The following USP34 variants were observed in gnomAD, a reference collection of about 807,000 sequenced individuals.
The protein encoded by USP34 is ubiquitin specific peptidase 34.
USP34 carries 70 observed loss-of-function variants against 460.3 expected under a neutral mutation model. The observed-to-expected ratio is 0.15, with a 90% CI of 0.13 to 0.19. The LOEUF (loss-of-function observed/expected upper bound fraction) is 0.19, where lower values mean the gene tolerates loss of function less well. Ranked by LOEUF, USP34 falls within the 10% of genes least tolerant of loss-of-function variation. The pLI is 1.00. For synonymous variants in USP34, 1,647 were observed against 1,405.3 expected (o/e 1.17, Z -3.85); for missense variants, 3,985 against 4,236.2 (o/e 0.94, Z 1.65).
intron 23 of USP34, 114 bp downstream of exon 23, chr2:61,317,540 C>T (rs1690788972): frequency 1.2e-6 from 1 of 858,054 alleles, no homozygotes. Context: ...ACAAACCCAA[C>T]TGCACTGCAC....
At chr2:61,312,730 G>A (rs1232795939) in intron 25 of USP34, among the ~76,000 whole-genome samples, 1 of 152,078 alleles carries the variant, frequency 6.6e-6, no homozygotes, top group Admixed American at 6.6e-5. Flanking sequence ...TTATCAGAAG[G>A]CAGAAGAATA....
intron 19 of USP34, among the ~76,000 whole-genome samples, chr2:61,332,920 A>G (rs1425476223): frequency 6.6e-6 from 1 of 152,068 alleles, no homozygotes; most frequent in Non-Finnish European, 1.5e-5. Flanking sequence ...CTAATCTGGA[A>G]TTATAGTGCA....
chr2:61,433,117 T>A (rs1261222538), intron 1 of USP34, among the ~76,000 whole-genome samples: 1 of 152,100 alleles, frequency 6.6e-6, no homozygotes, highest in Non-Finnish European at 1.5e-5. Flanking sequence ...CTGACAGGTG[T>A]GTCAGAGAGA....
Position 61,222,660 on chromosome 2 carries a change from C to A in USP34, c.7753G>T (p.Val2585Leu). Residue 2585 changes from valine to leucine, a missense_variant, in exon 65 of 80, where the codon GTA becomes TTA. Val to Leu is a conservative substitution (Grantham distance 32). This residue lies in a region of USP34 where 604 missense variants were observed against 684.8 expected (regional missense o/e 0.88). Coordinates refer to ENST00000398571, the MANE Select transcript of USP34 (RefSeq NM_014709.4). The stretch of plus-strand genomic sequence containing the variant: ...GCTATTGATGTGAAAAGCATAGATA[C>A]AATCTAAAACAGAAAGAGGAGGATT... ...RYNNRLAEHI[V>L]SMLFTSIAKL... 6.2e-7 allele frequency: 1 copy of A among 1,611,322 alleles called. No homozygotes were observed. Among genetic ancestry groups the A allele is most frequent in the Non-Finnish European group, 8.5e-7 (1 of 1,178,798 alleles).
At chr2:61,263,033 G>A (rs1356875581) in intron 43 of USP34, among the ~76,000 whole-genome samples, 2 of 151,484 alleles carry the variant, frequency 1.3e-5, no homozygotes, top group East Asian at 3.9e-4. Flanking sequence ...TTTTAAGATA[G>A]AGTCTTGCTC....
intron 1 of USP34, among the ~76,000 whole-genome samples, chr2:61,464,177 G>C (rs572931040): frequency 6.6e-6 from 1 of 152,130 alleles, no homozygotes; most frequent in Non-Finnish European, 1.5e-5. Context: ...ACATTAGCTG[G>C]GCGTGGTGGC....
At chr2:61,242,486 C>CAT (rs1688296106) in intron 51 of USP34, among the ~76,000 whole-genome samples, 1 of 151,462 alleles carries the variant, frequency 6.6e-6, no homozygotes, top group Non-Finnish European at 1.5e-5. Context: ...CACACACACA[C>CAT]ACACACACAC....
chr2:61,314,667 C>G lies in USP34; in HGVS notation c.3460G>C (p.Glu1154Gln), dbSNP rs778935383. Residue 1154 changes from glutamate to glutamine, a missense_variant, in exon 25 of 80, where the codon GAA becomes CAA. Physicochemically the swap from Glu to Gln is conservative, Grantham distance 29. Around this residue, in one of 14 missense-constraint regions of USP34, gnomAD observed 1,114 missense variants for 1,122.5 expected, o/e 0.99. Transcript: ENST00000398571. ...ATGAGACTTGAGTGTGATTCCTGTT[C>G]AAGACTGCTAGAAGCTATCATAAGA... ...ESLMIASSSL[E>Q]QESHSSLMVI... The G allele has an allele frequency of 2.5e-6, 4 of 1,603,588 alleles. No individual in the cohort carries two copies. The highest frequency in any genetic ancestry group is 3.4e-6 in the Non-Finnish European group (4 of 1,176,666).
At chr2:61,237,302 G>C (rs1219114247) in intron 53 of USP34, among the ~76,000 whole-genome samples, 1 of 151,992 alleles carries the variant, frequency 6.6e-6, no homozygotes, top group African/African-American at 2.4e-5. Flanking sequence ...AATAATAAGG[G>C]AGCCCCATTC....
intron 18 of USP34, among the ~76,000 whole-genome samples, chr2:61,334,604 A>C (rs1265961406): frequency 6.6e-6 from 1 of 152,184 alleles, no homozygotes; most frequent in Non-Finnish European, 1.5e-5. Flanking sequence ...AATTTTTCAC[A>C]AATTTAGGAA....
At chr2:61,398,992 C>G (rs1236757218) in intron 3 of USP34, among the ~76,000 whole-genome samples, 1 of 152,152 alleles carries the variant, frequency 6.6e-6, no homozygotes, top group Admixed American at 6.6e-5. Flanking sequence ...AATACAGAAT[C>G]ATGGACCAGG....
chr2:61,265,058 C>G (rs1689007204), intron 43 of USP34, among the ~76,000 whole-genome samples: 1 of 152,118 alleles, frequency 6.6e-6, no homozygotes, highest in Admixed American at 6.5e-5. Context: ...CTTATTTTCT[C>G]TGTAATAAAA....
chr2:61,325,325 C>G, intron 21 of USP34, 50 bp downstream of exon 21: 1 of 1,218,886 alleles, frequency 8.2e-7, no homozygotes, highest in Middle Eastern at 2.1e-4. Context: ...AAATTTAGTT[C>G]TTCCAATAGT....
Position 61,311,769 on chromosome 2 carries a change from A to T in USP34, c.3669+15T>A, listed in dbSNP as rs758695076. 4 of 1,611,316 alleles carry T rather than the reference A, an allele frequency of 2.5e-6. No homozygotes were observed. Among genetic ancestry groups the T allele is most frequent in the Non-Finnish European group, 3.4e-6 (4 of 1,179,258 alleles). ...GGAAATGTTATCAACTTCGAAATTA[A>T]AACTATGTAAGTACCTTGTCAGGAA... On this transcript the variant is annotated intron_variant, in intron 26 of 79. Transcript: ENST00000398571.
At chr2:61,451,814 C>G (rs953739044) in intron 1 of USP34, among the ~76,000 whole-genome samples, 3 of 152,086 alleles carry the variant, frequency 2.0e-5, no homozygotes, top group African/African-American at 7.2e-5. Context: ...CTACTTCATA[C>G]TTGATACCAA....
At chr2:61,262,088 CAAAAAAA>C (rs61651654) in intron 43 of USP34, among the ~76,000 whole-genome samples, 42 of 46,786 alleles carry the variant, frequency 9.0e-4, no homozygotes, top group South Asian at 3.2e-3. Context: ...AAGACTTCGT[CAAAAAAA>C]AAAAAAAAAA....
At chr2:61,312,394 G>A (rs1690620700) in intron 25 of USP34, among the ~76,000 whole-genome samples, 1 of 151,518 alleles carries the variant, frequency 6.6e-6, no homozygotes, top group Non-Finnish European at 1.5e-5. Flanking sequence ...AAATTATAAA[G>A]TGAATTACAA....
At chr2:61,267,651 T>C (rs923365744) in intron 41 of USP34, among the ~76,000 whole-genome samples, 5 of 152,002 alleles carry the variant, frequency 3.3e-5, no homozygotes, top group Admixed American at 6.6e-5. Context: ...TCTTGCTCTG[T>C]CGCCCAGGCT....
At chr2:61,404,231 G>C (rs1233807567) in intron 3 of USP34, among the ~76,000 whole-genome samples, 1 of 151,984 alleles carries the variant, frequency 6.6e-6, no homozygotes, top group Admixed American at 6.6e-5. Flanking sequence ...GAGGTATAAA[G>C]GTTACAGAAC....
Sources: gnomAD v4.1 joint callset for allele counts (sites outside exome capture counted in the v4.1 genomes callset) on GRCh38, gnomAD v4.1.1 for gene constraint, gnomAD v4.1.1 regional missense constraint, MANE v1.5 for transcripts, NCBI Gene and HGNC (gene_info 2026-07-23, HGNC 2026-07-21) for gene names.